SGCG: variants seen among roughly 807,000 people sequenced by gnomAD.
The protein encoded by SGCG is sarcoglycan gamma, also known as gamma-sarcoglycan.
Under a neutral mutation model 29.3 loss-of-function variants are expected in SGCG, and 26 were observed. The observed-to-expected ratio is 0.89, with a 90% confidence interval of 0.65 to 1.23. The LOEUF is 1.23. Ranked by LOEUF, SGCG falls within the 50% of genes most tolerant of loss-of-function variation. The pLI, the probability that SGCG is intolerant of heterozygous loss-of-function variation, is 0.00. For missense variants in SGCG, 353 were observed against 356.0 expected, an observed-to-expected ratio of 0.99 and a Z score of 0.07; for synonymous variants, 145 against 129.7, an observed-to-expected ratio of 1.12 and a Z score of -0.80.
intron 6 of SGCG, among the ~76,000 whole-genome samples, chr13:23,296,785 C>A (rs484775): frequency 0.37 from 56,396 of 151,984 alleles, 11,054 homozygotes; most frequent in East Asian, 0.79. Context: ...CAGTTCCATA[C>A]ATAAATTTAT....
intron 1 of SGCG, among the ~76,000 whole-genome samples, chr13:23,188,295 A>G (rs1877073925): frequency 6.8e-6 from 1 of 146,818 alleles, no homozygotes. Context: ...CCGTCTGAAC[A>G]CATCTTTTAC....
chr13:23,162,257 A>C, the SGCG span, among the ~76,000 whole-genome samples: 2 of 152,180 alleles, frequency 1.3e-5, no homozygotes, highest in Non-Finnish European at 2.9e-5. Context: ...AATCAGCATC[A>C]TTATGTTATC....
the SGCG span, among the ~76,000 whole-genome samples, chr13:23,174,513 G>A: frequency 1.3e-5 from 2 of 152,242 alleles, no homozygotes; most frequent in Admixed American, 6.5e-5. Context: ...AAATGGAATC[G>A]ATTCCATATA....
chr13:23,269,891 T>TC (rs1880802346), intron 4 of SGCG, among the ~76,000 whole-genome samples: 1 of 150,458 alleles, frequency 6.6e-6, no homozygotes, highest in Admixed American at 6.6e-5. Context: ...TTGTTTTTTT[T>TC]TGAGGCGGAG....
At chr13:23,285,571 A>G (rs959197196) in intron 5 of SGCG, among the ~76,000 whole-genome samples, 4 of 152,226 alleles carry the variant, frequency 2.6e-5, no homozygotes, top group African/African-American at 9.6e-5. Context: ...CCGCTAAGCT[A>G]GACCAATTGG....
intron 2 of SGCG, among the ~76,000 whole-genome samples, chr13:23,205,767 C>G (rs909684995): frequency 1.3e-5 from 2 of 152,004 alleles, no homozygotes; most frequent in Non-Finnish European, 2.9e-5. Context: ...CCTGCCCTTT[C>G]TAGTGAGATA....
At chr13:23,279,663 C>G (rs1881227095) in intron 5 of SGCG, among the ~76,000 whole-genome samples, 185 bp downstream of exon 5, 1 of 152,078 alleles carries the variant, frequency 6.6e-6, no homozygotes, top group Non-Finnish European at 1.5e-5. Flanking sequence ...AAATCCTCCC[C>G]ACAGATCTTG....
intron 4 of SGCG, among the ~76,000 whole-genome samples, chr13:23,264,424 A>G (rs1021656668): frequency 3.3e-5 from 5 of 152,198 alleles, no homozygotes; most frequent in Non-Finnish European, 7.4e-5. Context: ...GAAAGAAATC[A>G]TAGATGATGC....
chr13:23,303,639 A>G (rs1489971092), intron 6 of SGCG, among the ~76,000 whole-genome samples: 1 of 152,208 alleles, frequency 6.6e-6, no homozygotes, highest in African/African-American at 2.4e-5. Context: ...GTTCCCAGGT[A>G]TGCACGTATC....
the SGCG span, among the ~76,000 whole-genome samples, chr13:23,162,357 G>A: frequency 1.3e-5 from 2 of 152,224 alleles, no homozygotes; most frequent in African/African-American, 2.4e-5. Flanking sequence ...GCTCACGCCT[G>A]TAATCCCAGA....
chr13:23,269,849 T>C (rs79582423), intron 4 of SGCG, among the ~76,000 whole-genome samples: 1 of 149,782 alleles, frequency 6.7e-6, no homozygotes, highest in African/African-American at 2.4e-5. Flanking sequence ...TTTTTTTTTT[T>C]GGTTTGCTTT....
chr13:23,170,503 A>C, the SGCG span: 1 of 152,260 alleles, frequency 6.6e-6, no homozygotes, highest in Non-Finnish European at 1.5e-5. Flanking sequence ...CTATGTGTCC[A>C]TGAAATGTCC....
At chr13:23,221,465 C>T (rs1878654611) in intron 2 of SGCG, among the ~76,000 whole-genome samples, 1 of 152,162 alleles carries the variant, frequency 6.6e-6, no homozygotes, top group South Asian at 2.1e-4. Flanking sequence ...TACTGAGCAC[C>T]TAATATAAGC....
chr13:23,215,800 T>TA (rs34236900), intron 2 of SGCG, among the ~76,000 whole-genome samples: 5,612 of 145,730 alleles, frequency 0.039, 196 homozygotes, highest in East Asian at 0.2. Context: ...AGCTGAGAGT[T>TA]AAAAAAAAAA....
intron 5 of SGCG, among the ~76,000 whole-genome samples, chr13:23,293,688 C>T (rs755993423): frequency 1.3e-5 from 2 of 151,932 alleles, no homozygotes; most frequent in African/African-American, 2.4e-5. Context: ...AAATATTAGC[C>T]GGGTGTGGTG....
At chr13:23,163,977 C>T in the SGCG span, among the ~76,000 whole-genome samples, 100,452 of 152,018 alleles carry the variant, frequency 0.66, 33,532 homozygotes, top group East Asian at 0.94. Flanking sequence ...CATGGTGATG[C>T]ACAGAAATTG....
rs1048475979 is a variant in SGCG at position 23,228,347 on chromosome 13, T to C, written c.196-6264T>C. ...AAGCATTTATTTGGTGATTTGTTGTTTGCAGAAGTTTATAGATTTATTTTT... is the reference window on the plus strand; with the variant it reads ...AAGCATTTATTTGGTGATTTGTTGTCTGCAGAAGTTTATAGATTTATTTTT... On this transcript the variant is annotated intron_variant, in intron 2 of 7. Transcript: ENST00000218867. Among the ~76,000 whole-genome samples the C allele has an allele frequency of 3.3e-5, 5 of 152,366 alleles. No homozygotes were observed. In the East Asian group the frequency reaches 9.6e-4, roughly 29 times the overall value.
intron 1 of SGCG, among the ~76,000 whole-genome samples, chr13:23,188,547 G>C (rs561423238): frequency 3.1e-4 from 45 of 144,414 alleles, no homozygotes; most frequent in Non-Finnish European, 5.7e-4. Context: ...ATGAATTCCT[G>C]ACCTCAAGCA....
intron 3 of SGCG, among the ~76,000 whole-genome samples, chr13:23,249,073 T>A (rs533402667): frequency 1.3e-4 from 20 of 152,088 alleles, no homozygotes; most frequent in Admixed American, 8.5e-4. Flanking sequence ...CACCTACTCA[T>A]GTTACTAGTA....
Sources: allele counts gnomAD v4.1 joint callset (sites outside exome capture counted in the v4.1 genomes callset), GRCh38; gene constraint gnomAD v4.1.1; transcripts MANE v1.5; gene names NCBI Gene and HGNC (gene_info 2026-07-23, HGNC 2026-07-21).